HJURP: variants seen among roughly 807,000 people sequenced by gnomAD.
HJURP encodes the protein Holliday junction recognition protein, also known as 14-3-3-associated AKT substrate.
In HJURP, 49 loss-of-function variants were observed where a neutral mutation model predicts 72.0. The observed-to-expected ratio is 0.68, with a 90% CI of 0.54 to 0.86. HJURP has a LOEUF of 0.86. HJURP is among the 40% of genes least tolerant of loss of function. The pLI is 0.00. For synonymous variants in HJURP, 357 were observed against 347.1 expected, an observed-to-expected ratio of 1.03 and a Z score of -0.32; for missense variants, 908 against 936.3, an observed-to-expected ratio of 0.97 and a Z score of 0.39.
At position 233,841,348 on chromosome 2, in the gene HJURP, G is replaced by A; in HGVS notation, c.1432C>T (p.Gln478Ter). The change falls in exon 8 of 9, where the codon CAG becomes TAG. Residue 478 changes from glutamine to a stop codon, truncating the protein, a stop_gained. Transcript: ENST00000411486. LOFTEE classifies it high-confidence loss of function. ...CTCAGCCTGCGGGTTTCTAAGCCCT[G>A]AAGGCCACCAGGACTCGCAGGACCC... ...RGGPASPGGL[Q>*]GLETRRLSLP... is the part of the protein sequence containing the mutation. 1.2e-6 allele frequency: 2 copies of A among 1,614,134 alleles called. No individual in the cohort carries two copies. The highest frequency in any genetic ancestry group is 1.7e-6 in the Non-Finnish European group (2 of 1,180,024).
chr2:233,838,301 C>G (rs1000495596), intron 8 of HJURP, among the ~76,000 whole-genome samples: 3 of 152,142 alleles, frequency 2.0e-5, no homozygotes, highest in Non-Finnish European at 4.4e-5. Flanking sequence ...TGCGGGGCCA[C>G]CAAGGGCTGA....
rs1705455696 is a variant in HJURP at position 233,849,776 on chromosome 2, T to C, written c.324A>G (p.Thr108=). The change falls in exon 4 of 9, where the codon ACA becomes ACG. Residue 108 remains threonine, a synonymous_variant. Transcript: ENST00000411486. The part of the protein sequence containing the change: ...AWGPELPSHR[T]VLGADSKSGE... Reference sequence around the variant, plus strand: ...GGCAACACTCACCGGCTCCCAGGACTGTGCGGTGCGAGGGAAGCTCAGGAC... The same window carrying C: ...GGCAACACTCACCGGCTCCCAGGACCGTGCGGTGCGAGGGAAGCTCAGGAC... 3 of 1,552,870 alleles carry C rather than the reference T, an allele frequency of 1.9e-6. No homozygotes were observed. Among genetic ancestry groups the C allele is most frequent in the Non-Finnish European group, 1.7e-6 (2 of 1,147,862 alleles).
At chr2:233,839,272 C>G (rs1705156811) in intron 8 of HJURP, among the ~76,000 whole-genome samples, 1 of 152,252 alleles carries the variant, frequency 6.6e-6, no homozygotes, top group African/African-American at 2.4e-5. Context: ...CACTGCAGCA[C>G]CCACCATGTG....
chr2:233,841,774 C>A lies in HJURP; in HGVS notation c.1006G>T (p.Ala336Ser), dbSNP rs1199285296. 7 of 1,614,004 alleles carry A rather than the reference C, an allele frequency of 4.3e-6. No homozygotes were observed. The Admixed American group carries it at 8.3e-5, about 19-fold the overall frequency. ...AATACGTTCTTGCAATCTCTTAATG[C>A]CCCTGTCCCTTTCACAGGCTCAGAG... The part of the protein sequence containing the change: ...PCSEPVKGTG[A>S]LRDCKNVLDV... Residue 336 changes from alanine (A) to serine (S), a missense_variant, in exon 8 of 9, where the codon GCA becomes TCA. By Grantham distance (99) the Ala-to-Ser change is moderately conservative. Coordinates refer to ENST00000411486, the MANE Select transcript of HJURP (RefSeq NM_018410.5).
At chr2:233,840,131 C>T (rs1183858776) in intron 8 of HJURP, among the ~76,000 whole-genome samples, 1 of 152,194 alleles carries the variant, frequency 6.6e-6, no homozygotes, top group Admixed American at 6.5e-5. Context: ...CAGGGCACCC[C>T]TCGCACCTGT....
chr2:233,843,101 TAAATC>T lies in HJURP; in HGVS notation c.575-901_575-897del, dbSNP rs1282362608. On this transcript the variant is annotated intron_variant, in intron 7 of 8. Coordinates refer to ENST00000411486, the MANE Select transcript of HJURP (RefSeq NM_018410.5). Reference sequence around the variant, plus strand: ...CTGATCCTAAAAAATAAAAATAAAATAAATCAAAGCATGAGAGGGAACTACAGGAA... The same window carrying T: ...CTGATCCTAAAAAATAAAAATAAAATAAAGCATGAGAGGGAACTACAGGAA... Among the ~76,000 whole-genome samples the T allele has an allele frequency of 4.0e-5, 6 of 151,810 alleles. No individual in the cohort carries two copies. The East Asian group carries it at 1.2e-3, about 29-fold the overall frequency.
Position 233,844,208 on chromosome 2 carries a change from G to T in HJURP, c.571C>A (p.Pro191Thr). Residue 191 changes from proline to threonine, a missense_variant, in exon 7 of 9, where the codon CCC becomes ACC. By Grantham distance (38) the Pro-to-Thr change is conservative. Transcript: ENST00000411486. ...PSLASPAVPAPGYCSRISRKS... is the reference protein window; with the variant it reads ...PSLASPAVPATGYCSRISRKS... Reference sequence around the variant, plus strand: ...ACAGTTTCTATGTCACACTCACCGGGGGCAGGCACGGCAGGTGAGGCCAGT... The same window carrying T: ...ACAGTTTCTATGTCACACTCACCGGTGGCAGGCACGGCAGGTGAGGCCAGT... 6.2e-7 allele frequency: 1 copy of T among 1,613,722 alleles called. No individual in the cohort carries two copies. The highest frequency in any genetic ancestry group is 8.5e-7 in the Non-Finnish European group (1 of 1,179,622).
chr2:233,847,907 T>C (rs1705406987), intron 4 of HJURP, among the ~76,000 whole-genome samples: 1 of 152,232 alleles, frequency 6.6e-6, no homozygotes, highest in Admixed American at 6.5e-5. Context: ...TTAAATATCA[T>C]CCAGAGAGGG....
chr2:233,844,394 C>A, intron 6 of HJURP, 111 bp from the exon 7 acceptor site: 2 of 786,764 alleles, frequency 2.5e-6, no homozygotes, highest in Non-Finnish European at 4.4e-6. Context: ...ACAGCCATGT[C>A]GACAAGCGTG....
intron 7 of HJURP, among the ~76,000 whole-genome samples, chr2:233,843,264 T>TA (rs1400349221): frequency 1.3e-5 from 2 of 152,116 alleles, no homozygotes; most frequent in East Asian, 3.9e-4. Context: ...TGCTGGCTTC[T>TA]AAGTCACTGG....
Position 233,840,668 on chromosome 2 carries a change from C to A in HJURP, c.2112G>T (p.Val704=), listed in dbSNP as rs1705198133. Residue 704 remains valine (V), a synonymous_variant, in exon 8 of 9, where the codon GTG becomes GTT. Transcript: ENST00000411486. ...GGTCTCCCGGTCTGACGGTGTTGTC[C>A]ACCCCATCTGAGGCACCCAGGGAAT... is the stretch of plus-strand genomic sequence containing the variant. ...QGNSLGASDG[V]DNTVRPGDQG... 1 of 1,613,488 alleles carries A rather than the reference C, an allele frequency of 6.2e-7. No homozygotes were observed. The highest frequency in any genetic ancestry group is 1.1e-5 in the South Asian group (1 of 90,968).
At position 233,845,830 on chromosome 2, in the gene HJURP, A is replaced by G. The variant is rs1705349462; in HGVS notation, c.403-10T>C. On this transcript the variant is annotated splice_polypyrimidine_tract_variant and intron_variant, in intron 5 of 8. Coordinates refer to ENST00000411486, the MANE Select transcript of HJURP (RefSeq NM_018410.5). ...TTTGAGGCACTGCAGGCTGATCAAAAAAGAGAAGTCAGAATTTTTAAGAGC... is the reference window on the plus strand; with the variant it reads ...TTTGAGGCACTGCAGGCTGATCAAAGAAGAGAAGTCAGAATTTTTAAGAGC... The G allele has an allele frequency of 3.1e-6, 5 of 1,595,054 alleles. No homozygotes were observed. The highest frequency in any genetic ancestry group is 4.3e-6 in the Non-Finnish European group (5 of 1,166,368).
At chr2:233,837,718 T>A in intron 8 of HJURP, 66 bp from the exon 9 acceptor site, 1 of 1,010,326 alleles carries the variant, frequency 9.9e-7, no homozygotes, top group South Asian at 1.4e-5. Context: ...TGCCAGCCAC[T>A]AAAAGGTTAA....
At chr2:233,843,241 AG>A (rs1401506313) in intron 7 of HJURP, among the ~76,000 whole-genome samples, 1 of 152,174 alleles carries the variant, frequency 6.6e-6, no homozygotes, top group Non-Finnish European at 1.5e-5. Flanking sequence ...ACCTCCACCC[AG>A]GCGATCCGCA....
chr2:233,852,755 C>A (rs1361624209), intron 2 of HJURP, 135 bp from the exon 3 acceptor site: 4 of 619,222 alleles, frequency 6.5e-6, no homozygotes, highest in African/African-American at 5.5e-5. Context: ...TTTCTGATAC[C>A]CTGCGATTGT....
At chr2:233,849,316 C>G (rs1319759007) in intron 4 of HJURP, among the ~76,000 whole-genome samples, 1 of 151,986 alleles carries the variant, frequency 6.6e-6, no homozygotes, top group Non-Finnish European at 1.5e-5. Context: ...AGACTGAAGA[C>G]AGAAGGAAGG....
rs1396089647 is a variant in HJURP, at chr2:233,840,786, G to GC, written c.1993dup (p.Ala665GlyfsTer73). 1.9e-6 allele frequency: 3 copies of GC among 1,613,456 alleles called. No individual in the cohort carries two copies. Among genetic ancestry groups the GC allele is most frequent in the Non-Finnish European group, 2.5e-6 (3 of 1,179,874 alleles). On this transcript the variant is annotated frameshift_variant, in exon 8 of 9. Coordinates refer to ENST00000411486, the MANE Select transcript of HJURP (RefSeq NM_018410.5). LOFTEE classifies it high-confidence loss of function. ...CGTGCCATCCCTCGTGATGGCACGA[G>GC]CAACACATGTAGATGAAGGAGCCTC... is the stretch of plus-strand genomic sequence containing the variant.
intron 4 of HJURP, 55 bp downstream of exon 4, chr2:233,849,708 G>A: frequency 9.1e-7 from 1 of 1,100,928 alleles, no homozygotes; most frequent in Non-Finnish European, 1.3e-6. Context: ...GTTGTAACAG[G>A]TGCGTCAGAC....
chr2:233,845,835 G>T lies in HJURP; in HGVS notation c.403-15C>A. 1 of 1,585,030 alleles carries T rather than the reference G, an allele frequency of 6.3e-7. No individual in the cohort carries two copies. Among genetic ancestry groups the T allele is most frequent in the African/African-American group, 1.3e-5 (1 of 74,154 alleles). On this transcript the variant is annotated splice_polypyrimidine_tract_variant and intron_variant, in intron 5 of 8. Coordinates refer to ENST00000411486, the MANE Select transcript of HJURP (RefSeq NM_018410.5). ...GGCACTGCAGGCTGATCAAAAAAGA[G>T]AAGTCAGAATTTTTAAGAGCTTCTG...
Sources: allele counts gnomAD v4.1 joint callset (sites outside exome capture counted in the v4.1 genomes callset), GRCh38; gene constraint gnomAD v4.1.1; transcripts MANE v1.5; gene names NCBI Gene and HGNC (gene_info 2026-07-23, HGNC 2026-07-21).